The following LRTM1 variants were observed in gnomAD, a reference collection of about 807,000 sequenced individuals.
LRTM1 encodes leucine-rich repeat and transmembrane domain-containing protein 1.
LRTM1 carries 38 observed loss-of-function variants against 32.4 expected under a neutral mutation model. The observed-to-expected ratio is 1.17, with a 90% CI of 0.91 to 1.54. LRTM1 has a LOEUF of 1.54. LRTM1 is among the 40% of genes most tolerant of loss of function. The pLI, the probability that LRTM1 is intolerant of heterozygous loss-of-function variation, is 0.00. For missense variants in LRTM1, 466 were observed against 415.4 expected, an observed-to-expected ratio of 1.12 and a Z score of -1.06; for synonymous variants, 186 against 169.9, an observed-to-expected ratio of 1.09 and a Z score of -0.74.
chr3:54,958,235 T>A lies in LRTM1; in HGVS notation c.-222+8693A>T, dbSNP rs72877970. 3.1e-3 allele frequency among the ~76,000 whole-genome samples: 467 copies of A among 152,294 alleles called. 5 individuals are homozygous for A. Among genetic ancestry groups the A allele is most frequent in the African/African-American group, 0.011 (448 of 41,580 alleles). The stretch of plus-strand genomic sequence containing the variant: ...TGCTGACAAGAAAACCAGCAGAATA[T>A]TCCATGTATCGGATGGGTGTGGTGG... On this transcript the variant is annotated intron_variant, in intron 1 of 2. Coordinates refer to the LRTM1 transcript ENST00000493075.
intron 1 of LRTM1, among the ~76,000 whole-genome samples, chr3:54,936,943 A>G (rs1407966704): frequency 1.3e-5 from 2 of 152,174 alleles, no homozygotes; most frequent in Non-Finnish European, 2.9e-5. Flanking sequence ...GATGTTTATA[A>G]GTTCCTATCC....
chr3:54,936,676 C>T (rs1204171390), intron 1 of LRTM1, among the ~76,000 whole-genome samples: 1 of 152,120 alleles, frequency 6.6e-6, no homozygotes, highest in Non-Finnish European at 1.5e-5. Flanking sequence ...TCCCTGTGGA[C>T]CTTGTCTCCA....
chr3:54,926,476 T>A (rs928681416), intron 1 of LRTM1, among the ~76,000 whole-genome samples: 18 of 149,848 alleles, frequency 1.2e-4, no homozygotes, highest in Non-Finnish European at 2.4e-4. Flanking sequence ...GTCAGAGTTC[T>A]TATCTACTGT....
chr3:54,960,962 C>T (rs1236597426), intron 1 of LRTM1, among the ~76,000 whole-genome samples: 2 of 152,166 alleles, frequency 1.3e-5, no homozygotes, highest in African/African-American at 4.8e-5. Context: ...CCTTGATGCT[C>T]CAGAACAGTG....
At chr3:54,928,669 CTGCTTGCT>C (rs750974664), upstream of LRTM1, among the ~76,000 whole-genome samples, 24 of 152,220 alleles carry the variant, frequency 1.6e-4, no homozygotes, top group African/African-American at 4.8e-4. Context: ...AACTTCTCAG[CTGCTTGCT>C]TGCTTGCTTG....
At chr3:54,930,679 C>T (rs373340471), upstream of LRTM1, among the ~76,000 whole-genome samples, 9 of 152,338 alleles carry the variant, frequency 5.9e-5, no homozygotes, top group African/African-American at 2.2e-4. Context: ...CTGGGAAAAT[C>T]CCAGGCTCTC....
At chr3:54,943,809 C>T (rs1332451389) in intron 1 of LRTM1, among the ~76,000 whole-genome samples, 2 of 152,204 alleles carry the variant, frequency 1.3e-5, no homozygotes, top group Non-Finnish European at 2.9e-5. Context: ...GGCATGCAGG[C>T]ACCTAAGACT....
intron 1 of LRTM1, among the ~76,000 whole-genome samples, chr3:54,952,539 G>A (rs753767809): frequency 6.6e-5 from 10 of 152,128 alleles, no homozygotes; most frequent in Non-Finnish European, 1.3e-4. Context: ...TTAAGCAGAC[G>A]GAATGTCAAT....
chr3:54,944,865 A>T (rs1701574100), intron 1 of LRTM1, among the ~76,000 whole-genome samples: 1 of 151,320 alleles, frequency 6.6e-6, no homozygotes, highest in Admixed American at 6.6e-5. Flanking sequence ...CTGTAACACT[A>T]ACTCATTTAG....
intron 1 of LRTM1, among the ~76,000 whole-genome samples, chr3:54,940,248 C>T (rs967063787): frequency 6.6e-6 from 1 of 152,162 alleles, no homozygotes; most frequent in East Asian, 1.9e-4. Flanking sequence ...TGGAAGACTG[C>T]AACTATTTTC....
At position 54,924,816 on chromosome 3, in the gene LRTM1, TG is replaced by T; in HGVS notation, c.406del (p.His136ThrfsTer13). 1.9e-6 allele frequency: 3 copies of T among 1,613,980 alleles called. No individual in the cohort carries two copies. Among genetic ancestry groups the T allele is most frequent in the Non-Finnish European group, 2.5e-6 (3 of 1,179,976 alleles). On this transcript the variant is annotated frameshift_variant, in exon 2 of 3. Coordinates refer to ENST00000273286, the MANE Select transcript of LRTM1 (RefSeq NM_020678.4). LOFTEE classifies it high-confidence loss of function. ...ELDLSSNNIS[H>X]LPTSLGETWE... The stretch of plus-strand genomic sequence containing the variant: ...AGTCTCTCCCAAGGATGTGGGAAGG[TG>T]GCTTATGTTGTTTGATGACAAATCA...
intron 1 of LRTM1, among the ~76,000 whole-genome samples, chr3:54,937,243 T>G (rs1362267226): frequency 6.6e-6 from 1 of 152,194 alleles, no homozygotes; most frequent in Non-Finnish European, 1.5e-5. Context: ...AAGCTCTGTG[T>G]TTGGGAATGT....
intron 1 of LRTM1, among the ~76,000 whole-genome samples, chr3:54,959,906 T>G (rs1701990352): frequency 6.6e-6 from 1 of 152,080 alleles, no homozygotes. Context: ...GAAAAATGCT[T>G]CCAGATTACC....
intron 1 of LRTM1, among the ~76,000 whole-genome samples, chr3:54,938,234 A>G (rs1275891807): frequency 6.6e-6 from 1 of 152,200 alleles, no homozygotes; most frequent in African/African-American, 2.4e-5. Context: ...CCTGGATGGG[A>G]CGTAACATTT....
intron 1 of LRTM1, among the ~76,000 whole-genome samples, chr3:54,949,219 A>G (rs1452671988): frequency 1.3e-5 from 2 of 152,216 alleles, no homozygotes; most frequent in South Asian, 2.1e-4. Context: ...GCACAGGAGC[A>G]TAGGATGCAT....
chr3:54,919,442 T>C (rs1700772214), intron 2 of LRTM1, among the ~76,000 whole-genome samples: 1 of 152,250 alleles, frequency 6.6e-6, no homozygotes, highest in African/African-American at 2.4e-5. Context: ...TTGACAATAC[T>C]GGAAGTTTAG....
At chr3:54,964,893 T>C (rs1217545154) in intron 1 of LRTM1, among the ~76,000 whole-genome samples, 1 of 152,070 alleles carries the variant, frequency 6.6e-6, no homozygotes, top group Non-Finnish European at 1.5e-5. Flanking sequence ...TCAATCCCGT[T>C]ACTCTCGATC....
chr3:54,950,676 G>A (rs1701736079), intron 1 of LRTM1, among the ~76,000 whole-genome samples: 1 of 152,090 alleles, frequency 6.6e-6, no homozygotes, highest in Admixed American at 6.5e-5. Context: ...TAGGACCCAG[G>A]TTCTCTACTC....
chr3:54,922,671 T>C (rs148067444), intron 2 of LRTM1, among the ~76,000 whole-genome samples: 3 of 152,294 alleles, frequency 2.0e-5, no homozygotes, highest in Admixed American at 1.3e-4. Context: ...CCCTAATTCA[T>C]GTCTGTAGCT....
Sources: allele counts gnomAD v4.1 joint callset (sites outside exome capture counted in the v4.1 genomes callset), GRCh38; gene constraint gnomAD v4.1.1; transcripts MANE v1.5; gene names NCBI Gene and HGNC (gene_info 2026-07-23, HGNC 2026-07-21).